Variants in ZNRF1 observed in about 807,000 individuals in gnomAD.
The protein encoded by ZNRF1 is E3 ubiquitin-protein ligase ZNRF1.
ZNRF1 carries 3 observed loss-of-function variants against 18.4 expected under a neutral mutation model. The ratio of observed to expected loss-of-function variants is 0.16; its 90% CI spans 0.07 to 0.42. The LOEUF (loss-of-function observed/expected upper bound fraction) is 0.42, where lower values mean the gene tolerates loss of function less well. Ranked by LOEUF, ZNRF1 falls within the 10% of genes least tolerant of loss-of-function variation. The pLI is 0.99. For synonymous variants in ZNRF1, 157 were observed against 144.2 expected (o/e 1.09, Z -0.64); for missense variants, 310 against 329.8 (o/e 0.94, Z 0.47).
At chr16:75,100,394 C>G (rs1214065376) in intron 2 of ZNRF1, among the ~76,000 whole-genome samples, 1 of 152,246 alleles carries the variant, frequency 6.6e-6, no homozygotes, top group African/African-American at 2.4e-5. Context: ...CTTCCCCTTC[C>G]CCTTCCCTTT....
intron 1 of ZNRF1, among the ~76,000 whole-genome samples, chr16:75,023,876 C>A (rs981593777): frequency 3.5e-5 from 5 of 142,530 alleles, no homozygotes; most frequent in Non-Finnish European, 6.2e-5. Context: ...ATTTTATTTT[C>A]TTTTTTTTTT....
At chr16:75,048,439 C>A (rs1186922245) in intron 1 of ZNRF1, among the ~76,000 whole-genome samples, 1 of 152,176 alleles carries the variant, frequency 6.6e-6, no homozygotes, top group African/African-American at 2.4e-5. Context: ...TTGAATAATG[C>A]TGGCTTGGCT....
intron 1 of ZNRF1, among the ~76,000 whole-genome samples, chr16:75,066,709 G>A (rs752535344): frequency 6.6e-6 from 1 of 152,016 alleles, no homozygotes; most frequent in African/African-American, 2.4e-5. Flanking sequence ...TCACCATGTT[G>A]ACCAGGCTGG....
rs1314200140 is a variant in ZNRF1, at chr16:75,108,776, C to T, written c.*1076C>T. Reference sequence around the variant, plus strand: ...AAGAAATGGGGGCAAGGGCCTGCCCCCCACTCCCTCACCTACCTCCTTAGC... The same window carrying T: ...AAGAAATGGGGGCAAGGGCCTGCCCTCCACTCCCTCACCTACCTCCTTAGC... On this transcript the variant is annotated 3_prime_UTR_variant, in exon 5 of 5. Transcript: ENST00000335325. 2 of 377,750 alleles carry T rather than the reference C, an allele frequency of 5.3e-6. No homozygotes were observed. The highest frequency in any genetic ancestry group is 9.3e-6 in the Non-Finnish European group (2 of 214,468). 23.4% of individuals were successfully genotyped at this position (377,750 alleles called of 1,614,324 possible). A position where few individuals can be genotyped will look rare whatever the true frequency, so the allele number is the denominator to read the frequency against.
At chr16:75,010,708 T>G (rs1289537438) in intron 1 of ZNRF1, among the ~76,000 whole-genome samples, 3 of 41,504 alleles carry the variant, frequency 7.2e-5, no homozygotes, top group Non-Finnish European at 2.9e-4. Flanking sequence ...ACTGTTTTTT[T>G]TTGTTTTTTT....
chr16:75,087,280 C>G (rs1396555080), intron 1 of ZNRF1, among the ~76,000 whole-genome samples: 1 of 152,198 alleles, frequency 6.6e-6, no homozygotes, highest in Non-Finnish European at 1.5e-5. Context: ...GTTGGTTCCC[C>G]TAACAGTGGG....
intron 1 of ZNRF1, among the ~76,000 whole-genome samples, chr16:75,063,967 C>T (rs892029642): frequency 3.3e-5 from 5 of 152,140 alleles, no homozygotes; most frequent in Admixed American, 1.3e-4. Flanking sequence ...TGTTAAAATA[C>T]GGGGCTCCAT....
chr16:75,108,743 A>G lies in ZNRF1; in HGVS notation c.*1043A>G, dbSNP rs1357822043. The G allele has an allele frequency of 2.6e-6, 1 of 389,580 alleles. No individual in the cohort carries two copies. The highest frequency in any genetic ancestry group is 4.5e-6 in the Non-Finnish European group (1 of 221,226). 24.1% of individuals were successfully genotyped at this position (389,580 alleles called of 1,614,324 possible). Reference sequence around the variant, plus strand: ...CGTGATTTTATTTTAATGAAGTGTTATACAATCAAGAAATGGGGGCAAGGG... The same window carrying G: ...CGTGATTTTATTTTAATGAAGTGTTGTACAATCAAGAAATGGGGGCAAGGG... On this transcript the variant is annotated 3_prime_UTR_variant, in exon 5 of 5. Transcript: ENST00000335325.
At chr16:75,092,714 T>C (rs1026160852) in intron 1 of ZNRF1, among the ~76,000 whole-genome samples, 1 of 152,172 alleles carries the variant, frequency 6.6e-6, no homozygotes, top group African/African-American at 2.4e-5. Context: ...GTGTAAGCAG[T>C]TCACACACAT....
chr16:75,000,614 C>G (rs1414738826), intron 1 of ZNRF1, among the ~76,000 whole-genome samples: 4 of 152,212 alleles, frequency 2.6e-5, no homozygotes, highest in African/African-American at 9.6e-5. Context: ...TGCTGGAGAT[C>G]TGTTTGAAAT....
chr16:75,076,330 G>C (rs561957018), intron 1 of ZNRF1, among the ~76,000 whole-genome samples: 1 of 152,158 alleles, frequency 6.6e-6, no homozygotes, highest in African/African-American at 2.4e-5. Context: ...TCAGGAGGCT[G>C]ATGGATCCGC....
At chr16:75,091,802 A>G (rs1029796838) in intron 1 of ZNRF1, among the ~76,000 whole-genome samples, 1 of 151,962 alleles carries the variant, frequency 6.6e-6, no homozygotes, top group Non-Finnish European at 1.5e-5. Flanking sequence ...CTCCCAGAGT[A>G]CTGGAATTAC....
Position 75,007,297 on chromosome 16 carries a change from C to T in ZNRF1, c.424+7202C>T, listed in dbSNP as rs1245550730. ...CTTAAACTCCTGGGCTCAAGCGATC[C>T]TCCTGCCTCAGCCTCCTAAAGTGCT... On this transcript the variant is annotated intron_variant, in intron 1 of 4. Coordinates refer to ENST00000335325, the MANE Select transcript of ZNRF1 (RefSeq NM_032268.5). 5.3e-5 allele frequency among the ~76,000 whole-genome samples: 8 copies of T among 152,252 alleles called. No individual in the cohort carries two copies. In the South Asian group the frequency reaches 8.3e-4, roughly 16 times the overall value.
At chr16:75,088,706 C>T (rs2036102775) in intron 1 of ZNRF1, among the ~76,000 whole-genome samples, 1 of 152,196 alleles carries the variant, frequency 6.6e-6, no homozygotes, top group Non-Finnish European at 1.5e-5. Flanking sequence ...GTTATGTAAT[C>T]TTCTGAGCCT....
intron 1 of ZNRF1, among the ~76,000 whole-genome samples, chr16:75,079,159 G>C (rs148102478): frequency 2.6e-5 from 4 of 152,100 alleles, no homozygotes; most frequent in African/African-American, 4.8e-5. Context: ...CTTCTCGTTC[G>C]TGCTTTCTGT....
intron 1 of ZNRF1, among the ~76,000 whole-genome samples, chr16:75,053,157 A>G (rs777358463): frequency 1.1e-4 from 16 of 152,190 alleles, no homozygotes; most frequent in Non-Finnish European, 2.2e-4. Context: ...TTCCCACCCC[A>G]CATAATAAAA....
intron 2 of ZNRF1, among the ~76,000 whole-genome samples, chr16:75,096,048 C>T (rs376007956): frequency 7.8e-6 from 1 of 127,826 alleles, no homozygotes; most frequent in South Asian, 2.6e-4. Flanking sequence ...GCATGTGTTT[C>T]TGTATGTGTG....
At chr16:75,013,925 G>A (rs919055426) in intron 1 of ZNRF1, among the ~76,000 whole-genome samples, 15 of 151,934 alleles carry the variant, frequency 9.9e-5, no homozygotes, top group African/African-American at 2.4e-4. Context: ...TGCCTCCCAG[G>A]TTCAAGTAAT....
chr16:75,002,759 G>A (rs1286779524), intron 1 of ZNRF1, among the ~76,000 whole-genome samples: 4 of 152,188 alleles, frequency 2.6e-5, no homozygotes, highest in Non-Finnish European at 5.9e-5. Context: ...GAGAGGAAGC[G>A]CTGTAGTCAC....
Sources: allele counts gnomAD v4.1 joint callset (sites outside exome capture counted in the v4.1 genomes callset), GRCh38; gene constraint gnomAD v4.1.1; transcripts MANE v1.5; gene names NCBI Gene and HGNC (gene_info 2026-07-23, HGNC 2026-07-21).